Variants in IL17REL observed in about 807,000 individuals in gnomAD.
IL17REL encodes the protein interleukin 17 receptor E like.
Under a neutral mutation model 49.0 loss-of-function variants are expected in IL17REL, and 36 were observed. The ratio of observed to expected loss-of-function variants is 0.73; its 90% CI spans 0.56 to 0.97. The LOEUF (loss-of-function observed/expected upper bound fraction) is 0.97, where lower values mean the gene tolerates loss of function less well. Ranked by LOEUF, IL17REL falls within the 50% of genes least tolerant of loss-of-function variation. The pLI is 0.00. For synonymous variants in IL17REL, 206 were observed against 192.4 expected (o/e 1.07, Z -0.58); for missense variants, 470 against 453.9 (o/e 1.04, Z -0.32).
chr22:49,998,296 C>T, exon 8 of IL17REL: 2 of 1,603,468 alleles, frequency 1.2e-6, no homozygotes, highest in Non-Finnish European at 1.7e-6. Context: ...ACAGCACCTC[C>T]AGTGCCTCAG....
At chr22:50,002,620 G>A (rs567172739) in intron 1 of IL17REL, among the ~76,000 whole-genome samples, 6 of 151,202 alleles carry the variant, frequency 4.0e-5, no homozygotes, top group Admixed American at 6.6e-5. Context: ...TCAGCCTCAC[G>A]AGTAGTCGGG....
rs749701812 is a variant in IL17REL at position 49,997,285 on chromosome 22, C to A, written c.974+35G>T. The A allele has an allele frequency of 1.9e-6, 3 of 1,596,356 alleles. No individual in the cohort carries two copies. In the Admixed American group the frequency reaches 5.0e-5, roughly 27 times the overall value. On this transcript the variant is annotated intron_variant, in intron 11 of 12. Transcript: ENST00000341280. ...TGGGGTCCTGCCGCCACCACCCCCA[C>A]CTCCCCAGGATGGAGCCCCACTCTC...
At chr22:50,009,309 C>G (rs1367613565), upstream of IL17REL, among the ~76,000 whole-genome samples, 4 of 152,144 alleles carry the variant, frequency 2.6e-5, no homozygotes, top group African/African-American at 9.7e-5. Flanking sequence ...CCCAGCCCAA[C>G]CTGACCAAGG....
At chr22:50,005,678 G>A (rs1278732042) in intron 1 of IL17REL, among the ~76,000 whole-genome samples, 1 of 151,984 alleles carries the variant, frequency 6.6e-6, no homozygotes, top group African/African-American at 2.4e-5. Context: ...GCTGCTGGGC[G>A]CCTGTAATTC....
At chr22:50,006,648 G>A (rs1007030177) in intron 1 of IL17REL, among the ~76,000 whole-genome samples, 1 of 152,052 alleles carries the variant, frequency 6.6e-6, no homozygotes, top group African/African-American at 2.4e-5. Flanking sequence ...AAAATACAAC[G>A]GGTGATTTTT....
rs567313500 is a variant in IL17REL at position 50,006,474 on chromosome 22, C to T, written c.-42+2163G>A. On this transcript the variant is annotated intron_variant, in intron 1 of 12. Coordinates refer to ENST00000341280, the Ensembl canonical transcript of IL17REL. Reference sequence around the variant, plus strand: ...CCAGGAAGCAGAGAGCCCAGAGTGACGCTGTGGAGAGGGTGGGCCCAGGTG... The same window carrying T: ...CCAGGAAGCAGAGAGCCCAGAGTGATGCTGTGGAGAGGGTGGGCCCAGGTG... Among the ~76,000 whole-genome samples the T allele has an allele frequency of 5.3e-5, 8 of 152,174 alleles. No individual in the cohort carries two copies. The East Asian group carries it at 1.2e-3, about 22-fold the overall frequency.
At chr22:49,999,265 G>C (rs1428706912) in intron 7 of IL17REL, 26 bp downstream of exon 9, 2 of 1,612,592 alleles carry the variant, frequency 1.2e-6, no homozygotes, top group African/African-American at 2.7e-5. Flanking sequence ...CCACCCTTCC[G>C]CCCGTTGGCA....
intron 9 of IL17REL, 108 bp downstream of exon 11, chr22:49,997,916 TG>T: frequency 6.8e-7 from 1 of 1,480,142 alleles, no homozygotes; most frequent in Non-Finnish European, 9.3e-7. Context: ...GAGGGACGCC[TG>T]GGAGGCTAGG....
downstream of IL17REL, among the ~76,000 whole-genome samples, chr22:49,993,666 C>G (rs1244033968): frequency 6.6e-6 from 1 of 152,140 alleles, no homozygotes; most frequent in Non-Finnish European, 1.5e-5. The surrounding 1 kb of genome is among the most constrained non-coding windows in gnomAD (Gnocchi z 6.0). Flanking sequence ...TTTCCCCCAT[C>G]TGCAGAAGAA....
intron 7 of IL17REL, 65 bp downstream of exon 9, chr22:49,999,226 T>C (rs1601886578): frequency 3.2e-6 from 5 of 1,575,910 alleles, no homozygotes; most frequent in East Asian, 4.5e-5. Context: ...TCAGTCCTCA[T>C]GGTGGAGTCA....
intron 1 of IL17REL, among the ~76,000 whole-genome samples, chr22:50,004,406 G>A (rs1249562654): frequency 2.0e-5 from 3 of 152,180 alleles, no homozygotes; most frequent in African/African-American, 7.2e-5. Flanking sequence ...AAAGCTGGAT[G>A]GTTTGGGGAT....
downstream of IL17REL, among the ~76,000 whole-genome samples, chr22:49,992,967 C>T (rs528234894): frequency 3.0e-3 from 456 of 152,322 alleles, 12 homozygotes; most frequent in Non-Finnish European, 6.9e-4. Context: ...TGCTCCCAGC[C>T]TCATTCCTCA....
In IL17REL at chr22:50,007,204, C is replaced by T. The variant is rs996385156; in HGVS notation, c.-42+1433G>A. 5.9e-5 allele frequency among the ~76,000 whole-genome samples: 9 copies of T among 152,176 alleles called. No homozygotes were observed. In the East Asian group the frequency reaches 1.2e-3, roughly 20 times the overall value. ...ATCAGGACTCAAACAGGAATTCCCT[C>T]ATTCACCATTGCCCTGGAGAGCTGA... On this transcript the variant is annotated intron_variant, in intron 1 of 12. Transcript: ENST00000341280.
At chr22:50,010,765 CGGCACGGGGAGCGGGACCCGGGCGCGCT>C (rs577903710), upstream of IL17REL, among the ~76,000 whole-genome samples, 7,285 of 151,396 alleles carry the variant, frequency 0.048, 297 homozygotes, top group African/African-American at 0.12. Context: ...CCCTGCCCCA[CGGCACGGGGAGCGGGACCCGGGCGCGCT>C]GGGGGGAAGG....
chr22:50,003,051 A>C (rs2061087799), intron 1 of IL17REL, among the ~76,000 whole-genome samples: 1 of 152,044 alleles, frequency 6.6e-6, no homozygotes, highest in South Asian at 2.1e-4. Flanking sequence ...AGCTTGGCAC[A>C]CTCCCTGAGA....
chr22:50,011,262 T>G (rs2061139888), upstream of IL17REL, among the ~76,000 whole-genome samples: 1 of 128,320 alleles, frequency 7.8e-6, no homozygotes, highest in Non-Finnish European at 1.6e-5. Context: ...CTTCCCCTCC[T>G]TCCTGGCCTC....
chr22:50,000,395 C>G (rs903073329), intron 4 of IL17REL, 83 bp downstream of exon 5: 6 of 1,029,410 alleles, frequency 5.8e-6, no homozygotes, highest in African/African-American at 1.6e-5. Flanking sequence ...GAGGGCCAGG[C>G]CCCTGCCCTG....
chr22:50,000,679 A>C, intron 3 of IL17REL, 75 bp downstream of exon 4: 1 of 1,548,020 alleles, frequency 6.5e-7, no homozygotes, highest in South Asian at 1.1e-5. Flanking sequence ...TGGAGCTTAG[A>C]GCCAGGGATG....
chr22:49,998,870 C>T (rs1217501713), intron 7 of IL17REL, among the ~76,000 whole-genome samples: 2 of 149,510 alleles, frequency 1.3e-5, no homozygotes, highest in Non-Finnish European at 3.0e-5. Context: ...CGTGTATGTT[C>T]ATGGGTGTCT....
Sources: allele counts gnomAD v4.1 joint callset (sites outside exome capture counted in the v4.1 genomes callset), GRCh38; gene constraint gnomAD v4.1.1; non-coding constraint Gnocchi (gnomAD v3.1); transcripts MANE v1.5; gene names NCBI Gene and HGNC (gene_info 2026-07-23, HGNC 2026-07-21).